SPMIP2: variants seen among roughly 807,000 people sequenced by gnomAD.
SPMIP2 encodes the protein protein SPMIP2.
At chr4:159,080,204 C>CTTTA in the SPMIP2 span, among the ~76,000 whole-genome samples, 2,853 of 149,544 alleles carry the variant, frequency 0.019, 79 homozygotes, top group African/African-American at 0.058. Context: ...ACAACAAAGA[C>CTTTA]TTTATTTATT....
At chr4:158,908,853 AT>A in the SPMIP2 span, among the ~76,000 whole-genome samples, 22 of 151,996 alleles carry the variant, frequency 1.4e-4, no homozygotes, top group Non-Finnish European at 4.4e-5. Context: ...CAACTGGCCA[AT>A]TTTTTGTATT....
the SPMIP2 span, among the ~76,000 whole-genome samples, chr4:158,918,871 C>T: frequency 3.3e-5 from 5 of 152,196 alleles, no homozygotes; most frequent in Admixed American, 2.0e-4. Flanking sequence ...CAGGTGCACA[C>T]ACAAAATAGC....
chr4:158,931,121 T>C, the SPMIP2 span, among the ~76,000 whole-genome samples: 1 of 152,226 alleles, frequency 6.6e-6, no homozygotes, highest in South Asian at 2.1e-4. Flanking sequence ...TTTTTTTCTT[T>C]TCTGTCAGAG....
chr4:158,893,855 A>G, the SPMIP2 span: 1 of 579,106 alleles, frequency 1.7e-6, no homozygotes. Context: ...TGTTATAGTT[A>G]ATTCTTTTTA....
the SPMIP2 span, among the ~76,000 whole-genome samples, chr4:159,055,891 G>T: frequency 2.6e-5 from 4 of 152,084 alleles, no homozygotes; most frequent in African/African-American, 9.7e-5. Context: ...TAAAGCAAAG[G>T]ATAAAGAAAG....
At chr4:159,037,718 A>G in the SPMIP2 span, among the ~76,000 whole-genome samples, 1 of 151,410 alleles carries the variant, frequency 6.6e-6, no homozygotes, top group African/African-American at 2.4e-5. Flanking sequence ...GACTACAGTG[A>G]GCTGTGATCA....
At chr4:159,081,072 C>T in the SPMIP2 span, among the ~76,000 whole-genome samples, 28 of 129,916 alleles carry the variant, frequency 2.2e-4, no homozygotes, top group African/African-American at 8.0e-4. Context: ...GAGTCTCACT[C>T]TGTCACCCAG....
chr4:158,981,223 T>C, the SPMIP2 span, among the ~76,000 whole-genome samples: 1 of 152,160 alleles, frequency 6.6e-6, no homozygotes, highest in Non-Finnish European at 1.5e-5. Flanking sequence ...ACCAAACCTA[T>C]GTTTGCTTGG....
At chr4:158,935,065 A>G in the SPMIP2 span, among the ~76,000 whole-genome samples, 2 of 152,206 alleles carry the variant, frequency 1.3e-5, no homozygotes, top group African/African-American at 4.8e-5. Flanking sequence ...TTTAGTGTGG[A>G]GTTTAAAACA....
the SPMIP2 span, among the ~76,000 whole-genome samples, chr4:158,920,911 A>T: frequency 6.6e-6 from 1 of 152,166 alleles, no homozygotes; most frequent in Non-Finnish European, 1.5e-5. Flanking sequence ...GAAACCCTTA[A>T]TAAAAAACTT....
At chr4:158,981,604 C>T in the SPMIP2 span, among the ~76,000 whole-genome samples, 1 of 152,058 alleles carries the variant, frequency 6.6e-6, no homozygotes, top group Middle Eastern at 3.2e-3. Flanking sequence ...TCTAGCCAAA[C>T]TAAGCTTTGT....
chr4:158,961,703 T>C, the SPMIP2 span, among the ~76,000 whole-genome samples: 1 of 152,122 alleles, frequency 6.6e-6, no homozygotes. Flanking sequence ...AAGACCTTTC[T>C]CAGAAACATA....
chr4:159,048,637 C>T, the SPMIP2 span, among the ~76,000 whole-genome samples: 1 of 151,692 alleles, frequency 6.6e-6, no homozygotes, highest in South Asian at 2.1e-4. Flanking sequence ...ACACAAGGAT[C>T]CCGAATTGAA....
At chr4:158,949,497 T>C in the SPMIP2 span, among the ~76,000 whole-genome samples, 9 of 152,232 alleles carry the variant, frequency 5.9e-5, no homozygotes, top group Non-Finnish European at 1.2e-4. Context: ...CAAGGTATCA[T>C]AGCTAAGAGG....
chr4:158,896,004 G>A, the SPMIP2 span: 1 of 625,652 alleles, frequency 1.6e-6, no homozygotes, highest in Non-Finnish European at 2.9e-6. Flanking sequence ...TCAGATACGT[G>A]CCTCTGCAAC....
the SPMIP2 span, among the ~76,000 whole-genome samples, chr4:159,074,360 T>A: frequency 5.3e-5 from 8 of 152,082 alleles, no homozygotes; most frequent in African/African-American, 1.9e-4. Context: ...CACAATGACT[T>A]CAGGACCCTC....
At chr4:159,040,831 A>C in the SPMIP2 span, among the ~76,000 whole-genome samples, 1 of 152,204 alleles carries the variant, frequency 6.6e-6, no homozygotes, top group Non-Finnish European at 1.5e-5. Context: ...ATAGAGCCAC[A>C]GACTTGGCTT....
At chr4:159,048,206 T>C in the SPMIP2 span, among the ~76,000 whole-genome samples, 1 of 152,106 alleles carries the variant, frequency 6.6e-6, no homozygotes, top group Non-Finnish European at 1.5e-5. Context: ...AGGACATAAT[T>C]GACCGTTTTG....
At chr4:158,991,823 C>T in the SPMIP2 span, among the ~76,000 whole-genome samples, 1 of 149,084 alleles carries the variant, frequency 6.7e-6, no homozygotes, top group East Asian at 2.0e-4. Flanking sequence ...CTGTATTAGT[C>T]TTTTTGGAAT....
Sources: allele counts gnomAD v4.1 joint callset (sites outside exome capture counted in the v4.1 genomes callset), GRCh38; gene constraint gnomAD v4.1.1; transcripts MANE v1.5; gene names NCBI Gene and HGNC (gene_info 2026-07-23, HGNC 2026-07-21).